ODAD2: variants seen among roughly 807,000 people sequenced by gnomAD.
ODAD2 encodes the protein outer dynein arm docking complex subunit 2, also known as outer dynein arm-docking complex subunit 2.
ODAD2 carries 89 observed loss-of-function variants against 106.8 expected under a neutral mutation model. That is an observed-to-expected ratio of 0.83 (90% CI 0.70 to 0.99). The LOEUF is 0.99. Ranked by LOEUF, ODAD2 falls within the 50% of genes least tolerant of loss-of-function variation. ODAD2 has a pLI of 0.00. For synonymous variants in ODAD2, 404 were observed against 436.2 expected, an observed-to-expected ratio of 0.93 and a Z score of 0.92; for missense variants, 1,168 against 1,238.5, an observed-to-expected ratio of 0.94 and a Z score of 0.85.
intron 17 of ODAD2, among the ~76,000 whole-genome samples, chr10:27,893,428 C>T (rs970342087): frequency 2.6e-5 from 4 of 152,092 alleles, no homozygotes; most frequent in Non-Finnish European, 1.5e-5. Context: ...TGGTAGGGGC[C>T]CTGAAGTAGC....
intron 17 of ODAD2, among the ~76,000 whole-genome samples, chr10:27,868,379 C>T (rs570640684): frequency 2.0e-5 from 3 of 152,260 alleles, no homozygotes; most frequent in African/African-American, 7.2e-5. Flanking sequence ...CACATGCACA[C>T]ATATGTTTAT....
At chr10:27,859,257 G>A (rs1220043631) in intron 19 of ODAD2, among the ~76,000 whole-genome samples, 1 of 149,582 alleles carries the variant, frequency 6.7e-6, no homozygotes, top group East Asian at 1.9e-4. Flanking sequence ...TTGTTACTTA[G>A]TTTAAAAGAT....
intron 1 of ODAD2, among the ~76,000 whole-genome samples, chr10:27,997,974 C>T (rs1850655820): frequency 6.6e-6 from 1 of 152,202 alleles, no homozygotes; most frequent in Admixed American, 6.5e-5. Flanking sequence ...AACTGGGAAT[C>T]ACTTAGCACT....
chr10:27,877,740 T>C (rs1841440724), intron 17 of ODAD2, among the ~76,000 whole-genome samples: 1 of 152,144 alleles, frequency 6.6e-6, no homozygotes, highest in South Asian at 2.1e-4. Flanking sequence ...TCACCACTGG[T>C]ACAATATTGG....
chr10:27,948,828 T>A (rs1847130305), intron 10 of ODAD2, among the ~76,000 whole-genome samples: 2 of 134,690 alleles, frequency 1.5e-5, no homozygotes, highest in Non-Finnish European at 3.2e-5. Flanking sequence ...GCCATTGGAT[T>A]TTTTTTTTTT....
intron 17 of ODAD2, among the ~76,000 whole-genome samples, chr10:27,866,776 G>A (rs1015101228): frequency 3.3e-5 from 5 of 152,008 alleles, no homozygotes; most frequent in African/African-American, 1.2e-4. Context: ...AGACCAAGAA[G>A]AACTCACTCA....
chr10:27,909,370 A>C (rs1471535116), intron 16 of ODAD2, among the ~76,000 whole-genome samples: 1 of 152,200 alleles, frequency 6.6e-6, no homozygotes, highest in Non-Finnish European at 1.5e-5. Context: ...CTTTAAAACA[A>C]GTTATAGACA....
chr10:27,895,055 A>AAAC (rs34048210), intron 17 of ODAD2, among the ~76,000 whole-genome samples: 1 of 151,592 alleles, frequency 6.6e-6, no homozygotes, highest in Non-Finnish European at 1.5e-5. Flanking sequence ...AAAAAAAAAA[A>AAAC]CTGTTAGCTC....
chr10:27,979,938 A>T (rs1408331164), intron 7 of ODAD2, among the ~76,000 whole-genome samples: 1 of 152,188 alleles, frequency 6.6e-6, no homozygotes, highest in Non-Finnish European at 1.5e-5. Context: ...AAGTTGGAGG[A>T]CTCACACTTC....
chr10:27,874,843 T>C (rs997746604), intron 17 of ODAD2, among the ~76,000 whole-genome samples: 2 of 152,184 alleles, frequency 1.3e-5, no homozygotes, highest in African/African-American at 4.8e-5. Flanking sequence ...TTGGAGTTGC[T>C]CTTTTCGAGG....
intron 19 of ODAD2, among the ~76,000 whole-genome samples, chr10:27,846,036 TA>T (rs1274434573): frequency 1.3e-5 from 2 of 152,152 alleles, no homozygotes; most frequent in African/African-American, 4.8e-5. Flanking sequence ...TTAACAAAGA[TA>T]TCCAGGAATT....
intron 4 of ODAD2, 123 bp downstream of exon 4, chr10:27,984,896 A>C (rs1463335964): frequency 7.0e-6 from 3 of 430,354 alleles, no homozygotes; most frequent in Non-Finnish European, 1.2e-5. Flanking sequence ...TTTTAATTGT[A>C]ATATTTTATT....
intron 19 of ODAD2, among the ~76,000 whole-genome samples, chr10:27,849,133 C>A (rs1455637813): frequency 6.6e-6 from 1 of 152,142 alleles, no homozygotes; most frequent in African/African-American, 2.4e-5. Context: ...TTCACAATAG[C>A]AAAGACTTGG....
chr10:27,830,231 A>G (rs774032838), intron 19 of ODAD2, among the ~76,000 whole-genome samples: 1 of 152,260 alleles, frequency 6.6e-6, no homozygotes, highest in Admixed American at 6.5e-5. Flanking sequence ...TTCTCACCAC[A>G]TAACACCTCC....
chr10:27,849,821 A>G (rs748891400), intron 19 of ODAD2, among the ~76,000 whole-genome samples: 9 of 152,234 alleles, frequency 5.9e-5, no homozygotes, highest in Non-Finnish European at 8.8e-5. Context: ...AGCATGGCCA[A>G]GTGCAGTAAT....
At chr10:27,855,519 T>C (rs552469826) in intron 19 of ODAD2, among the ~76,000 whole-genome samples, 3 of 151,678 alleles carry the variant, frequency 2.0e-5, no homozygotes, top group African/African-American at 7.3e-5. Context: ...ACATTAAGAG[T>C]TTTAATTAAC....
intron 2 of ODAD2, among the ~76,000 whole-genome samples, chr10:27,992,921 ATAT>A (rs1188232898): frequency 1.3e-5 from 2 of 152,110 alleles, no homozygotes; most frequent in Admixed American, 6.6e-5. Context: ...TTATAAAAAA[ATAT>A]TAATTTTTTT....
intron 16 of ODAD2, among the ~76,000 whole-genome samples, chr10:27,920,093 CAA>C (rs112900658): frequency 1.4e-5 from 2 of 145,754 alleles, no homozygotes; most frequent in Non-Finnish European, 1.5e-5. Context: ...CCATAAAAGG[CAA>C]AAAAAAAAGA....
At chr10:27,910,426 T>C (rs889597451) in intron 16 of ODAD2, among the ~76,000 whole-genome samples, 1 of 152,100 alleles carries the variant, frequency 6.6e-6, no homozygotes, top group African/African-American at 2.4e-5. Flanking sequence ...TCCTTGGCTA[T>C]CTACTAAACA....
Sources: gnomAD v4.1 joint callset for allele counts (sites outside exome capture counted in the v4.1 genomes callset) on GRCh38, gnomAD v4.1.1 for gene constraint, MANE v1.5 for transcripts, NCBI Gene and HGNC (gene_info 2026-07-23, HGNC 2026-07-21) for gene names.